Variants in PLA2G5 observed in about 807,000 individuals in gnomAD.
PLA2G5 encodes the protein phospholipase A2 group V.
Under a neutral mutation model 15.9 loss-of-function variants are expected in PLA2G5, and 12 were observed. The observed-to-expected ratio is 0.76, with a 90% CI of 0.48 to 1.23. The LOEUF is 1.23. Among genes scored for constraint, PLA2G5 ranks in the 50% most tolerant of loss-of-function variants. The pLI, the probability that PLA2G5 is intolerant of heterozygous loss-of-function variation, is 0.00. For synonymous variants in PLA2G5, 71 were observed against 71.4 expected, an observed-to-expected ratio of 0.99 and a Z score of 0.03; for missense variants, 169 against 177.1, an observed-to-expected ratio of 0.95 and a Z score of 0.26.
chr1:20,072,708 A>G (rs1340458018), intron 1 of PLA2G5, among the ~76,000 whole-genome samples: 1 of 152,140 alleles, frequency 6.6e-6, no homozygotes, highest in Non-Finnish European at 1.5e-5. Context: ...GGTTAGGAAG[A>G]TTGACCCAGG....
intron 1 of PLA2G5, among the ~76,000 whole-genome samples, chr1:20,047,174 G>A (rs6693200): frequency 0.34 from 51,559 of 151,966 alleles, 10,217 homozygotes; most frequent in Non-Finnish European, 0.45. Context: ...TCATATAAGG[G>A]CTGATTGCCC....
intron 1 of PLA2G5, among the ~76,000 whole-genome samples, chr1:20,037,630 C>T (rs961763664): frequency 5.9e-5 from 9 of 152,186 alleles, no homozygotes; most frequent in Non-Finnish European, 1.5e-5. Context: ...TTTCTCCTTT[C>T]TTGGAGCAGG....
upstream of PLA2G5, chr1:20,068,921 C>G (rs1207199931): frequency 3.1e-6 from 4 of 1,288,862 alleles, no homozygotes; most frequent in East Asian, 2.2e-4. Context: ...ACGTCCTTCT[C>G]CAACACAGCA....
At chr1:20,041,868 G>A (rs769784668) in intron 1 of PLA2G5, among the ~76,000 whole-genome samples, 3 of 152,154 alleles carry the variant, frequency 2.0e-5, no homozygotes, top group African/African-American at 4.8e-5. Context: ...GGAACGCTAG[G>A]TGCTTCTTTA....
In PLA2G5 at chr1:20,061,847, G is replaced by A. The variant is rs1160796438; in HGVS notation, n.337+2155G>A. ...CAAACAAGGGGCTTCTCAAAGCCTG[G>A]GGGTCTCTAAGGATAGAGGCTAACA... is the stretch of plus-strand genomic sequence containing the variant. On this transcript the variant is annotated intron_variant and non_coding_transcript_variant, in intron 2 of 6. Coordinates refer to the PLA2G5 transcript ENST00000460175. Among the ~76,000 whole-genome samples, 5 of 152,194 alleles carry A rather than the reference G, an allele frequency of 3.3e-5. No homozygotes were observed. In the East Asian group the frequency reaches 9.6e-4, roughly 29 times the overall value.
intron 1 of PLA2G5, among the ~76,000 whole-genome samples, chr1:20,082,934 A>G (rs2016104982): frequency 6.6e-6 from 1 of 152,004 alleles, no homozygotes. Context: ...CAATTTCCTT[A>G]TCTGTAAAAT....
At chr1:20,067,098 C>T (rs908498751), upstream of PLA2G5, among the ~76,000 whole-genome samples, 3 of 152,090 alleles carry the variant, frequency 2.0e-5, no homozygotes, top group African/African-American at 4.8e-5. Context: ...GAGGCTCAAG[C>T]GATCCTCCCA....
chr1:20,069,406 C>T (rs1413373078), upstream of PLA2G5, among the ~76,000 whole-genome samples: 1 of 152,202 alleles, frequency 6.6e-6, no homozygotes, highest in African/African-American at 2.4e-5. Flanking sequence ...GCCGTGGTGG[C>T]TCACACCTGT....
intron 1 of PLA2G5, among the ~76,000 whole-genome samples, chr1:20,053,573 G>GGGGC (rs2014281823): frequency 1.1e-5 from 1 of 88,648 alleles, no homozygotes; most frequent in South Asian, 3.8e-4. Flanking sequence ...TACTTTGCGG[G>GGGGC]GGGGGGGGTG....
chr1:20,081,998 G>C (rs1009112095), intron 1 of PLA2G5, among the ~76,000 whole-genome samples: 2 of 151,750 alleles, frequency 1.3e-5, no homozygotes, highest in African/African-American at 4.9e-5. Flanking sequence ...GTTGCAGTGA[G>C]CCGAGATGGT....
intron 1 of PLA2G5, among the ~76,000 whole-genome samples, chr1:20,042,227 A>AT (rs2013639416): frequency 1.3e-5 from 2 of 152,172 alleles, no homozygotes. Flanking sequence ...GAAAGATACT[A>AT]TAGCATAACC....
At chr1:20,047,670 T>G (rs554633040) in intron 1 of PLA2G5, among the ~76,000 whole-genome samples, 30 of 152,124 alleles carry the variant, frequency 2.0e-4, no homozygotes, top group African/African-American at 7.2e-4. Flanking sequence ...GCTGGTGAAT[T>G]TGTGTTTATC....
chr1:20,061,974 C>T (rs77796806), intron 2 of PLA2G5, among the ~76,000 whole-genome samples: 68 of 152,268 alleles, frequency 4.5e-4, no homozygotes, highest in African/African-American at 1.6e-3. Context: ...GAGGCAGATC[C>T]CTCAAGAATG....
At chr1:20,087,532 G>A (rs758749294) in intron 3 of PLA2G5, among the ~76,000 whole-genome samples, 20 of 126,268 alleles carry the variant, frequency 1.6e-4, no homozygotes, top group Admixed American at 4.5e-4. Context: ...TAGCATATAC[G>A]TTTTTTTTTT....
chr1:20,087,983 A>G (rs1480412553), intron 3 of PLA2G5, among the ~76,000 whole-genome samples: 2 of 152,192 alleles, frequency 1.3e-5, no homozygotes, highest in African/African-American at 4.8e-5. Flanking sequence ...CATCTTATAA[A>G]ATGTCTAACC....
chr1:20,038,828 G>A (rs112835025), intron 1 of PLA2G5, among the ~76,000 whole-genome samples: 1,987 of 152,324 alleles, frequency 0.013, 38 homozygotes, highest in African/African-American at 0.045. Context: ...AAGTGGCCTA[G>A]ACTGTAGAAG....
At position 20,090,586 on chromosome 1, in the gene PLA2G5, A is replaced by C. The variant is rs139906512; in HGVS notation, c.311A>C (p.His104Pro). The C allele has an allele frequency of 6.2e-7, 1 of 1,614,078 alleles. No individual in the cohort carries two copies. Among genetic ancestry groups the C allele is most frequent in the Non-Finnish European group, 8.5e-7 (1 of 1,179,968 alleles). The change falls in exon 5 of 5, where the codon CAT (histidine) becomes CCT (proline). Residue 104 changes from histidine to proline, a missense_variant. Transcript: ENST00000375108. ...TTTGCAGAGCCCGGGCCCTTCTGCCATGTGAACCTCTGTGCCTGTGACCGG... is the reference window on the plus strand; with the variant it reads ...TTTGCAGAGCCCGGGCCCTTCTGCCCTGTGAACCTCTGTGCCTGTGACCGG... Reference protein sequence around the residue: ...VVTCEPGPFCHVNLCACDRKL... With the variant: ...VVTCEPGPFCPVNLCACDRKL...
chr1:20,074,523 C>T (rs2015565916), intron 1 of PLA2G5, among the ~76,000 whole-genome samples: 1 of 152,190 alleles, frequency 6.6e-6, no homozygotes, highest in Admixed American at 6.5e-5. Flanking sequence ...TTTGACAGAT[C>T]TTGTCTGCAT....
chr1:20,061,012 C>T (rs1569725423), intron 2 of PLA2G5, among the ~76,000 whole-genome samples: 1 of 152,176 alleles, frequency 6.6e-6, no homozygotes, highest in Admixed American at 6.5e-5. Context: ...CCATCGCACC[C>T]GGCCTAGAGC....
Sources: allele counts gnomAD v4.1 joint callset (sites outside exome capture counted in the v4.1 genomes callset), GRCh38; gene constraint gnomAD v4.1.1; transcripts MANE v1.5; gene names NCBI Gene and HGNC (gene_info 2026-07-23, HGNC 2026-07-21).